The following PRKG1 variants were observed in gnomAD, a reference collection of about 807,000 sequenced individuals.
PRKG1 encodes protein kinase cGMP-dependent 1.
In PRKG1, 35 loss-of-function variants were observed where a neutral mutation model predicts 88.1. The observed-to-expected ratio is 0.40, with a 90% CI of 0.30 to 0.53. The LOEUF (loss-of-function observed/expected upper bound fraction) is 0.53, where lower values mean the gene tolerates loss of function less well. PRKG1 is among the 20% of genes least tolerant of loss of function. The probability of loss-of-function intolerance (pLI) is 0.59; values close to 1 mark genes in which losing one functional copy is unlikely to be tolerated. For missense variants in PRKG1, 540 were observed against 839.8 expected (o/e 0.64, Z 4.41); for synonymous variants, 303 against 292.5 (o/e 1.04, Z -0.37).
intron 2 of PRKG1, among the ~76,000 whole-genome samples, chr10:51,444,174 A>T (rs1202912179): frequency 6.6e-6 from 1 of 151,600 alleles, no homozygotes; most frequent in African/African-American, 2.4e-5. Context: ...GTAACTAGAA[A>T]TATCTAGTAT....
chr10:51,910,798 T>C (rs1842199280), intron 5 of PRKG1: 1 of 152,162 alleles, frequency 6.6e-6, no homozygotes, highest in African/African-American at 2.4e-5. Context: ...TGATTGACCT[T>C]GGAATTTAAA....
chr10:51,396,573 G>T (rs139343671), intron 2 of PRKG1, among the ~76,000 whole-genome samples: 24 of 152,310 alleles, frequency 1.6e-4, no homozygotes, highest in African/African-American at 5.8e-4. Context: ...GATGGTTAGC[G>T]CTGTGGACCA....
intron 5 of PRKG1, among the ~76,000 whole-genome samples, chr10:51,980,619 CT>C (rs1843982388): frequency 2.0e-5 from 3 of 152,142 alleles, no homozygotes. Flanking sequence ...GAGTCTAAGT[CT>C]CTTTGAAAGT....
At chr10:52,169,906 T>C (rs1245627186) in intron 9 of PRKG1, among the ~76,000 whole-genome samples, 1 of 152,142 alleles carries the variant, frequency 6.6e-6, no homozygotes. Context: ...TCAGGTCCTT[T>C]TAACTTCATG....
chr10:51,467,940 C>A (rs1839951631), intron 3 of PRKG1, 104 bp downstream of exon 3: 1 of 989,140 alleles, frequency 1.0e-6, no homozygotes, highest in Admixed American at 2.0e-5. Flanking sequence ...ACTTTTATTT[C>A]TTTGTATTTT....
intron 3 of PRKG1, among the ~76,000 whole-genome samples, chr10:51,775,763 A>G (rs1376749406): frequency 6.6e-6 from 1 of 151,816 alleles, no homozygotes; most frequent in African/African-American, 2.4e-5. Flanking sequence ...GTTTGAATTT[A>G]ATAGAGACAG....
At chr10:51,155,854 A>G (rs1846196930) in intron 2 of PRKG1, among the ~76,000 whole-genome samples, 1 of 151,928 alleles carries the variant, frequency 6.6e-6, no homozygotes, top group African/African-American at 2.4e-5. Context: ...GCTTTACTCA[A>G]TGTCTATTCG....
chr10:51,527,712 C>T (rs1006584204), intron 3 of PRKG1, among the ~76,000 whole-genome samples: 4 of 152,084 alleles, frequency 2.6e-5, no homozygotes, highest in African/African-American at 4.8e-5. Context: ...CCAAAGTTCC[C>T]GGGAATTGTA....
intron 5 of PRKG1, among the ~76,000 whole-genome samples, chr10:51,918,171 G>GTA (rs1842384475): frequency 6.6e-6 from 1 of 151,962 alleles, no homozygotes; most frequent in East Asian, 1.9e-4. Flanking sequence ...AAATGGGGAA[G>GTA]TATTTTACCC....
intron 3 of PRKG1, among the ~76,000 whole-genome samples, chr10:51,553,872 GTATTAGATA>G (rs1837212865): frequency 1.0e-5 from 1 of 99,474 alleles, no homozygotes; most frequent in African/African-American, 4.1e-5. Context: ...ATATATGTAT[GTATTAGATA>G]CGTGTATATA....
intron 3 of PRKG1, among the ~76,000 whole-genome samples, chr10:51,735,177 G>A (rs1837232072): frequency 6.6e-6 from 1 of 152,154 alleles, no homozygotes; most frequent in Non-Finnish European, 1.5e-5. Context: ...AGACAGATTA[G>A]CTATCTTTAT....
chr10:51,890,750 G>A (rs1318813771), intron 4 of PRKG1, among the ~76,000 whole-genome samples: 1 of 152,214 alleles, frequency 6.6e-6, no homozygotes, highest in African/African-American at 2.4e-5. Context: ...GAGGCCAGGA[G>A]TTTGAAACCA....
intron 3 of PRKG1, among the ~76,000 whole-genome samples, chr10:51,754,745 T>G (rs1589259848): frequency 6.6e-6 from 1 of 152,336 alleles, no homozygotes; most frequent in East Asian, 1.9e-4. Context: ...AAATTGCATC[T>G]CCCTTCAAAG....
chr10:51,890,381 C>T (rs1329607230), intron 4 of PRKG1, among the ~76,000 whole-genome samples: 2 of 152,134 alleles, frequency 1.3e-5, no homozygotes, highest in Non-Finnish European at 2.9e-5. Context: ...TCAAAACTTA[C>T]AGGTATCTTA....
intron 9 of PRKG1, among the ~76,000 whole-genome samples, chr10:52,216,881 A>G (rs939782346): frequency 6.6e-6 from 1 of 152,164 alleles, no homozygotes; most frequent in Non-Finnish European, 1.5e-5. Context: ...CACAAATGGA[A>G]GCTTTCTTTT....
intron 3 of PRKG1, among the ~76,000 whole-genome samples, chr10:51,758,512 G>T (rs539552363): frequency 2.6e-5 from 4 of 152,112 alleles, no homozygotes; most frequent in African/African-American, 9.7e-5. Flanking sequence ...CAGAAGGGGA[G>T]ACGACAACAG....
At chr10:51,073,675 TG>T (rs1485388184), upstream of PRKG1, among the ~76,000 whole-genome samples, 106 of 152,240 alleles carry the variant, frequency 7.0e-4, 3 homozygotes, top group Admixed American at 6.9e-3. Flanking sequence ...AGTAACTATC[TG>T]GAGCAGGCGA....
At chr10:52,172,029 C>T (rs1001981981) in intron 9 of PRKG1, among the ~76,000 whole-genome samples, 15 of 151,512 alleles carry the variant, frequency 9.9e-5, no homozygotes, top group Admixed American at 9.2e-4. Context: ...GTCTCGATCT[C>T]CTGACCTCAT....
intron 9 of PRKG1, among the ~76,000 whole-genome samples, chr10:52,191,642 T>C (rs1839367134): frequency 6.6e-6 from 1 of 152,208 alleles, no homozygotes; most frequent in Non-Finnish European, 1.5e-5. Context: ...TCGTAGGAGG[T>C]TTATTAAACT....
Sources: allele counts gnomAD v4.1 joint callset (sites outside exome capture counted in the v4.1 genomes callset), GRCh38; gene constraint gnomAD v4.1.1; transcripts MANE v1.5; gene names NCBI Gene and HGNC (gene_info 2026-07-23, HGNC 2026-07-21).